DLX3: variants seen among roughly 807,000 people sequenced by gnomAD.
DLX3 encodes distal-less homeobox 3.
Under a neutral mutation model 28.0 loss-of-function variants are expected in DLX3, and 9 were observed. That is an observed-to-expected ratio of 0.32 (90% CI 0.19 to 0.56). The LOEUF (loss-of-function observed/expected upper bound fraction) is 0.56, where lower values mean the gene tolerates loss of function less well. Ranked by LOEUF, DLX3 falls within the 20% of genes least tolerant of loss-of-function variation. The pLI, the probability that DLX3 is intolerant of heterozygous loss-of-function variation, is 0.91. For synonymous variants in DLX3, 154 were observed against 167.9 expected, an observed-to-expected ratio of 0.92 and a Z score of 0.64; for missense variants, 313 against 378.2, an observed-to-expected ratio of 0.83 and a Z score of 1.43.
At chr17:49,993,355 C>T (rs941913818) in intron 2 of DLX3, 45 bp downstream of exon 2, 3 of 1,491,204 alleles carry the variant, frequency 2.0e-6, no homozygotes, top group East Asian at 2.7e-5. Context: ...CGGGGAACTA[C>T]GGGGTCCCGC....
Position 49,993,811 on chromosome 17 carries a change from C to T in DLX3, c.326-221G>A, listed in dbSNP as rs146321598. The T allele has an allele frequency of 3.7e-3, 1,135 of 310,566 alleles. 10 individuals are homozygous for T. The highest frequency in any genetic ancestry group is 0.023 in the African/African-American group (1,050 of 44,700). The allele number at this position is 310,566 out of a possible 1,614,324, so 19.2% of individuals were successfully genotyped here. On this transcript the variant is annotated intron_variant, in intron 1 of 2. Coordinates refer to ENST00000434704, the MANE Select transcript of DLX3 (RefSeq NM_005220.3). Reference sequence around the variant, plus strand: ...GCGGCGCTCCCAGCTCCGCGCCCGGCCGCCGCAGCACTGTCCCCGGCGCCA... The same window carrying T: ...GCGGCGCTCCCAGCTCCGCGCCCGGTCGCCGCAGCACTGTCCCCGGCGCCA...
rs1327148014 is a variant in DLX3, at chr17:49,993,610, C to A, written c.326-20G>T. On this transcript the variant is annotated intron_variant, in intron 1 of 2. Transcript: ENST00000434704. ...CCGACACTGCGGGGAACGCACCGGG[C>A]GGAAGAGGGGGCGGTTCAGCCTCGG... 6.2e-7 allele frequency: 1 copy of A among 1,611,342 alleles called. No individual in the cohort carries two copies. The highest frequency in any genetic ancestry group is 8.5e-7 in the Non-Finnish European group (1 of 1,179,168).
chr17:49,993,102 G>A (rs1302234381), intron 2 of DLX3, among the ~76,000 whole-genome samples: 1 of 152,184 alleles, frequency 6.6e-6, no homozygotes, highest in East Asian at 1.9e-4. Context: ...CACATGCCTA[G>A]CCTGGAGGGA....
At chr17:49,993,332 G>A in intron 2 of DLX3, 68 bp downstream of exon 2, 3 of 1,503,916 alleles carry the variant, frequency 2.0e-6, no homozygotes, top group Non-Finnish European at 2.7e-6. Flanking sequence ...GGCCAGCCAG[G>A]CTCGGCAGCG....
chr17:49,991,720 G>A lies in DLX3; in HGVS notation c.661C>T (p.His221Tyr). 1 of 1,614,022 alleles carries A rather than the reference G, an allele frequency of 6.2e-7. No homozygotes were observed. The highest frequency in any genetic ancestry group is 8.5e-7 in the Non-Finnish European group (1 of 1,179,986). Residue 221 changes from histidine (H) to tyrosine (Y), a missense_variant, in exon 3 of 3, where the codon CAC becomes TAC. His to Tyr is a moderately conservative substitution (Grantham distance 83, BLOSUM62 2). Transcript: ENST00000434704. ...PSPALWDTSSHSTPAPARSQL... is the reference protein window; with the variant it reads ...PSPALWDTSSYSTPAPARSQL... ...CTGCGGGCAGGGGCCGGAGTGGAGT[G>A]GGAAGAGGTGTCCCAGAGGGCGGGT...
chr17:49,994,408 A>T (rs1598155472), intron 1 of DLX3, among the ~76,000 whole-genome samples: 1 of 150,612 alleles, frequency 6.6e-6, no homozygotes, highest in African/African-American at 2.4e-5. Flanking sequence ...TTTCCTAACA[A>T]CCCACAGCCT....
In DLX3 at chr17:49,993,492, C is replaced by T. The variant is rs767002078; in HGVS notation, c.424G>A (p.Ala142Thr). The T allele has an allele frequency of 3.1e-6, 5 of 1,613,414 alleles. No individual in the cohort carries two copies. The African/African-American group carries it at 6.7e-5, about 22-fold the overall frequency. Residue 142 changes from alanine to threonine, a missense_variant, in exon 2 of 3, where the codon GCC (alanine) becomes ACC (threonine). Around this residue, in one of 3 missense-constraint regions of DLX3, gnomAD observed 183 missense variants for 197.7 expected, o/e 0.93. Transcript: ENST00000434704. ...PRTIYSSYQL[A>T]ALQRRFQKAQ... ...TTCTGGAAGCGGCGCTGCAGGGCGG[C>T]CAGCTGGTAGCTGGAGTAGATCGTA...
Position 49,991,699 on chromosome 17 carries a change from G to C in DLX3, c.682C>G (p.Arg228Gly). The C allele has an allele frequency of 1.9e-6, 3 of 1,613,612 alleles. No individual in the cohort carries two copies. Among genetic ancestry groups the C allele is most frequent in the Non-Finnish European group, 2.5e-6 (3 of 1,179,816 alleles). ...TSSHSTPAPA[R>G]SQLPPPLPYS... ...GGGAGCGGCGGGGGCAGCTGACTGC[G>C]GGCAGGGGCCGGAGTGGAGTGGGAA... Residue 228 changes from arginine (R) to glycine (G), a missense_variant, in exon 3 of 3, where the codon CGC (arginine) becomes GGC (glycine). Arg to Gly is a moderately radical substitution (Grantham distance 125). Coordinates refer to ENST00000434704, the MANE Select transcript of DLX3 (RefSeq NM_005220.3).
In DLX3 at chr17:49,990,724, C is replaced by T. The variant is rs1906057728; in HGVS notation, c.*793G>A. The T allele has an allele frequency of 6.6e-6, 1 of 152,570 alleles. No individual in the cohort carries two copies. Among genetic ancestry groups the T allele is most frequent in the East Asian group, 1.9e-4 (1 of 5,190 alleles). 9.5% of individuals were successfully genotyped at this position (152,570 alleles called of 1,614,324 possible). ...ACTTGGCCCTATCTGTGAACAATGC[C>T]CTTTGTTTTCCTATTTTTCAACAGC... On this transcript the variant is annotated 3_prime_UTR_variant, in exon 3 of 3. Transcript: ENST00000434704.
rs758355449 is a variant in DLX3 at position 49,993,609 on chromosome 17, G to A, written c.326-19C>T. 1.6e-5 allele frequency: 25 copies of A among 1,611,562 alleles called. No homozygotes were observed. Among genetic ancestry groups the A allele is most frequent in the South Asian group, 5.5e-5 (5 of 90,878 alleles). On this transcript the variant is annotated intron_variant, in intron 1 of 2. Coordinates refer to ENST00000434704, the MANE Select transcript of DLX3 (RefSeq NM_005220.3). The stretch of plus-strand genomic sequence containing the variant: ...ACCGACACTGCGGGGAACGCACCGG[G>A]CGGAAGAGGGGGCGGTTCAGCCTCG...
In DLX3 at chr17:49,994,841, C is replaced by T; in HGVS notation, c.158G>A (p.Gly53Asp). 6.2e-7 allele frequency: 1 copy of T among 1,614,234 alleles called. No homozygotes were observed. Among genetic ancestry groups the T allele is most frequent in the Non-Finnish European group, 8.5e-7 (1 of 1,180,048 alleles). ...GTTCACCGTCTGGCCATAGGGCTGGCCCGAGTAGTAATCGTGCTGGGGAGC... is the reference window on the plus strand; with the variant it reads ...GTTCACCGTCTGGCCATAGGGCTGGTCCGAGTAGTAATCGTGCTGGGGAGC... ...YSAPQHDYYS[G>D]QPYGQTVNPY... Residue 53 changes from glycine (G) to aspartate (D), a missense_variant, in exon 1 of 3, where the codon GGC becomes GAC. By Grantham distance (94) the Gly-to-Asp change is moderately conservative. Around this residue, in one of 3 missense-constraint regions of DLX3, gnomAD observed 183 missense variants for 197.7 expected, o/e 0.93. Coordinates refer to ENST00000434704, the MANE Select transcript of DLX3 (RefSeq NM_005220.3).
chr17:49,991,793 C>A lies in DLX3; in HGVS notation c.588G>T (p.Glu196Asp). Residue 196 changes from glutamate to aspartate, a missense_variant, in exon 3 of 3, where the codon GAG becomes GAT. Around this residue, in one of 3 missense-constraint regions of DLX3, gnomAD observed 120 missense variants for 145.4 expected, o/e 0.83. Coordinates refer to ENST00000434704, the MANE Select transcript of DLX3 (RefSeq NM_005220.3). ...TGGAATCACTGTTATTGGGACTGTG[C>A]TCCAGCGGCACCTCCCCGTTCTTGT... ...KLYKNGEVPL[E>D]HSPNNSDSMA... The A allele has an allele frequency of 6.2e-7, 1 of 1,614,114 alleles. No individual in the cohort carries two copies.
At chr17:49,992,498 T>C (rs1906126117) in intron 2 of DLX3, among the ~76,000 whole-genome samples, 1 of 152,132 alleles carries the variant, frequency 6.6e-6, no homozygotes, top group Non-Finnish European at 1.5e-5. Flanking sequence ...TGTGGAGAAG[T>C]TCTCCTGGGC....
chr17:49,994,754 G>A lies in DLX3; in HGVS notation c.245C>T (p.Pro82Leu). 1.2e-6 allele frequency: 2 copies of A among 1,614,204 alleles called. No individual in the cohort carries two copies. The highest frequency in any genetic ancestry group is 1.7e-6 in the Non-Finnish European group (2 of 1,180,032). ...NGLAGTGAYSPKSEYTYGASY... is the reference protein window; with the variant it reads ...NGLAGTGAYSLKSEYTYGASY... ...GGCTCCGTAGGTATATTCCGACTTGGGCGAGTAAGCGCCCGTGCCTGCAAG... is the reference window on the plus strand; with the variant it reads ...GGCTCCGTAGGTATATTCCGACTTGAGCGAGTAAGCGCCCGTGCCTGCAAG... The change falls in exon 1 of 3, where the codon CCC becomes CTC. Residue 82 changes from proline (P) to leucine (L), a missense_variant. By Grantham distance (98) the Pro-to-Leu change is moderately conservative (BLOSUM62 -3). Transcript: ENST00000434704.
In DLX3 at chr17:49,995,079, C is replaced by A; in HGVS notation, c.-81G>T. On this transcript the variant is annotated 5_prime_UTR_variant, in exon 1 of 3. Coordinates refer to ENST00000434704, the MANE Select transcript of DLX3 (RefSeq NM_005220.3). ...CGGAGTGCGAGAGAGGCGGAAGAGA[C>A]GAGGCAGGGGTGTGTGTCCAGAAGG... 9 of 1,523,916 alleles carry A rather than the reference C, an allele frequency of 5.9e-6. No homozygotes were observed. Among genetic ancestry groups the A allele is most frequent in the Non-Finnish European group, 8.0e-6 (9 of 1,129,696 alleles). 94.4% of individuals were successfully genotyped at this position (1,523,916 alleles called of 1,614,324 possible). A position where few individuals can be genotyped will look rare whatever the true frequency, so the allele number is the denominator to read the frequency against.
rs1477172516 is a variant in DLX3, at chr17:49,994,836, G to T, written c.163C>A (p.Pro55Thr). The T allele has an allele frequency of 1.1e-5, 18 of 1,614,244 alleles. No homozygotes were observed. The highest frequency in any genetic ancestry group is 1.5e-5 in the Non-Finnish European group (18 of 1,180,052). Reference sequence around the variant, plus strand: ...TAGGGGTTCACCGTCTGGCCATAGGGCTGGCCCGAGTAGTAATCGTGCTGG... The same window carrying T: ...TAGGGGTTCACCGTCTGGCCATAGGTCTGGCCCGAGTAGTAATCGTGCTGG... ...APQHDYYSGQPYGQTVNPYTY... is the reference protein window; with the variant it reads ...APQHDYYSGQTYGQTVNPYTY... The change falls in exon 1 of 3, where the codon CCC becomes ACC. Residue 55 changes from proline (P) to threonine (T), a missense_variant. Physicochemically the swap from Pro to Thr is conservative, Grantham distance 38. This residue lies in a region of DLX3 where 183 missense variants were observed against 197.7 expected (regional missense o/e 0.93). Coordinates refer to ENST00000434704, the MANE Select transcript of DLX3 (RefSeq NM_005220.3).
chr17:49,993,414 G>C lies in DLX3; in HGVS notation c.502C>G (p.Leu168Val), dbSNP rs774450949. The C allele has an allele frequency of 6.2e-7, 1 of 1,605,374 alleles. No individual in the cohort carries two copies. The highest frequency in any genetic ancestry group is 1.7e-5 in the Admixed American group (1 of 59,766). Residue 168 changes from leucine (L) to valine (V), a missense_variant, in exon 2 of 3, where the codon CTC (leucine) becomes GTC (valine). Transcript: ENST00000434704. Reference sequence around the variant, plus strand: ...CAAACACCAACCTGTGTCTGCGTGAGGCCCAGCTGCGCGGCCAGCTCGGCG... The same window carrying C: ...CAAACACCAACCTGTGTCTGCGTGACGCCCAGCTGCGCGGCCAGCTCGGCG... ...ERAELAAQLGLTQTQVKIWFQ... is the reference protein window; with the variant it reads ...ERAELAAQLGVTQTQVKIWFQ...
At chr17:49,992,707 G>A (rs991361517) in intron 2 of DLX3, among the ~76,000 whole-genome samples, 5 of 152,152 alleles carry the variant, frequency 3.3e-5, no homozygotes, top group Non-Finnish European at 7.3e-5. Context: ...ACCTAGGCCC[G>A]CCTGTCAACA....
rs533081185 is a variant in DLX3 at position 49,990,111 on chromosome 17, C to T, written c.*1406G>A. The stretch of plus-strand genomic sequence containing the variant: ...GGAGATGGCTTTGCTTCTTCCCCCC[C>T]GGGTGGGACTCTTGGAGACCTACCA... On this transcript the variant is annotated 3_prime_UTR_variant, in exon 3 of 3. Coordinates refer to ENST00000434704, the MANE Select transcript of DLX3 (RefSeq NM_005220.3). 6 of 152,562 alleles carry T rather than the reference C, an allele frequency of 3.9e-5. No individual in the cohort carries two copies. The highest frequency in any genetic ancestry group is 9.6e-5 in the African/African-American group (4 of 41,496). The allele number at this position is 152,562 out of a possible 1,614,324, so 9.5% of individuals were successfully genotyped here. A position where few individuals can be genotyped will look rare whatever the true frequency, so the allele number is the denominator to read the frequency against.
Sources: allele counts gnomAD v4.1 joint callset (sites outside exome capture counted in the v4.1 genomes callset), GRCh38; gene constraint gnomAD v4.1.1; regional missense constraint gnomAD v4.1.1; transcripts MANE v1.5; gene names NCBI Gene and HGNC (gene_info 2026-07-23, HGNC 2026-07-21).